ORAI3: variants seen among roughly 807,000 people sequenced by gnomAD.
The protein encoded by ORAI3 is ORAI calcium release-activated calcium modulator 3, also known as protein orai-3.
Under a neutral mutation model 17.2 loss-of-function variants are expected in ORAI3, and 15 were observed. That is an observed-to-expected ratio of 0.87 (90% CI 0.58 to 1.34). The LOEUF is 1.34. ORAI3 is among the 40% of genes most tolerant of loss of function. ORAI3 has a pLI of 0.00. For synonymous variants in ORAI3, 178 were observed against 172.4 expected (o/e 1.03, Z -0.25); for missense variants, 405 against 396.7 (o/e 1.02, Z -0.18).
chr16:30,951,483 A>C (rs1298929364), intron 1 of ORAI3, among the ~76,000 whole-genome samples: 5 of 152,200 alleles, frequency 3.3e-5, no homozygotes, highest in Non-Finnish European at 7.3e-5. Context: ...AAATTCCTAG[A>C]ATAGGGTCAT....
chr16:30,952,386 C>T (rs535382725), intron 1 of ORAI3, among the ~76,000 whole-genome samples: 42 of 152,118 alleles, frequency 2.8e-4, no homozygotes, highest in African/African-American at 9.9e-4. Context: ...CCGCCCAACT[C>T]GGCCTCCCAA....
chr16:30,949,735 TC>T (rs1490946680), intron 1 of ORAI3: 1 of 542,676 alleles, frequency 1.8e-6, no homozygotes, highest in African/African-American at 2.0e-5. Context: ...GACACGAAAG[TC>T]CTAAAGGTGT....
Position 30,949,175 on chromosome 16 carries a change from CAT to C in ORAI3, c.-114_-113del. ...CCTCTTCCTGGGCGCCCGCCGCCTG[CAT>C]CCTGCTCGTCCTGTCTGGGAATGGG... is the stretch of plus-strand genomic sequence containing the variant. On this transcript the variant is annotated 5_prime_UTR_variant, in exon 1 of 2. Coordinates refer to ENST00000318663, the MANE Select transcript of ORAI3 (RefSeq NM_152288.3). 1.5e-6 allele frequency: 1 copy of C among 672,468 alleles called. No homozygotes were observed. The highest frequency in any genetic ancestry group is 2.9e-5 in the South Asian group (1 of 35,080). 41.7% of individuals were successfully genotyped at this position (672,468 alleles called of 1,614,324 possible).
At position 30,949,134 on chromosome 16, in the gene ORAI3, T is replaced by C; in HGVS notation, c.-156T>C. ...GGCTCCCCGCAGACGCTGCTTTTCT[T>C]GCTCCACTGGGGGTGCCTCTTCCTG... On this transcript the variant is annotated 5_prime_UTR_variant, in exon 1 of 2. Transcript: ENST00000318663. The C allele has an allele frequency of 2.0e-6, 1 of 500,478 alleles. No individual in the cohort carries two copies. The highest frequency in any genetic ancestry group is 3.4e-6 in the Non-Finnish European group (1 of 294,198). The allele number at this position is 500,478 out of a possible 1,614,324, so 31.0% of individuals were successfully genotyped here.
chr16:30,950,420 GC>G (rs2055919114), intron 1 of ORAI3, among the ~76,000 whole-genome samples: 1 of 152,222 alleles, frequency 6.6e-6, no homozygotes, highest in African/African-American at 2.4e-5. Context: ...TAAAAGCCTT[GC>G]CTCTGGGCAG....
rs1596663119 is a variant in ORAI3, at chr16:30,953,781, A to G, written c.825A>G (p.Thr275=). ...ACCGCTCCTTGGTGGCACACAAGAC[A>G]GACCGCTACAAGCAGGAACTAGAGG... ...HFYRSLVAHK[T]DRYKQELEEL... Residue 275 remains threonine (T), a synonymous_variant, in exon 2 of 2, where the codon ACA becomes ACG. Transcript: ENST00000318663. 6.2e-7 allele frequency: 1 copy of G among 1,613,900 alleles called. No individual in the cohort carries two copies.
intron 1 of ORAI3, among the ~76,000 whole-genome samples, chr16:30,952,412 G>A (rs1011096386): frequency 7.2e-5 from 11 of 152,116 alleles, no homozygotes; most frequent in African/African-American, 2.2e-4. Context: ...TGGGATGAAA[G>A]GCGTGAGCCA....
chr16:30,949,112 T>G lies in ORAI3; in HGVS notation c.-178T>G. Reference sequence around the variant, plus strand: ...GCTGTCCCGCTCCGGCTCCTGGGGCTCCCCGCAGACGCTGCTTTTCTTGCT... The same window carrying G: ...GCTGTCCCGCTCCGGCTCCTGGGGCGCCCCGCAGACGCTGCTTTTCTTGCT... On this transcript the variant is annotated 5_prime_UTR_variant, in exon 1 of 2. Transcript: ENST00000318663. 1 of 481,504 alleles carries G rather than the reference T, an allele frequency of 2.1e-6. No homozygotes were observed. The highest frequency in any genetic ancestry group is 3.6e-6 in the Non-Finnish European group (1 of 279,202). 29.8% of individuals were successfully genotyped at this position (481,504 alleles called of 1,614,324 possible).
At chr16:30,949,597 G>A in intron 1 of ORAI3, 80 bp downstream of exon 1, 1 of 913,532 alleles carries the variant, frequency 1.1e-6, no homozygotes, top group East Asian at 4.2e-5. Context: ...AAGTAAACAG[G>A]TCCCAAGGGA....
chr16:30,949,479 T>C lies in ORAI3; in HGVS notation c.190T>C (p.Ser64Pro). The C allele has an allele frequency of 6.4e-7, 1 of 1,574,424 alleles. No individual in the cohort carries two copies. Among genetic ancestry groups the C allele is most frequent in the Non-Finnish European group, 8.6e-7 (1 of 1,160,092 alleles). ...LYLSRAKLKA[S>P]SRTSALLSGF... ...CCTCAGCCGGGCCAAGCTCAAAGCT[T>C]CCAGCCGCACGTCTGCCTTGCTCTC... Residue 64 changes from serine to proline, a missense_variant, in exon 1 of 2, where the codon TCC becomes CCC. By Grantham distance (74) the Ser-to-Pro change is moderately conservative (BLOSUM62 -1). Transcript: ENST00000318663.
At position 30,953,564 on chromosome 16, in the gene ORAI3, CCCTT is replaced by C. The variant is rs2055935627; in HGVS notation, c.609_612del (p.Leu204ValfsTer78). 8 of 1,614,236 alleles carry C rather than the reference CCCTT, an allele frequency of 5.0e-6. No homozygotes were observed. The highest frequency in any genetic ancestry group is 6.8e-6 in the Non-Finnish European group (8 of 1,180,026). ...GGGACTCTGGCACCAGTGGCTACCT[CCCTT>C]AGTCCAGCTTCCAATCTCCCACGGT... On this transcript the variant is annotated frameshift_variant, in exon 2 of 2. Coordinates refer to ENST00000318663, the MANE Select transcript of ORAI3 (RefSeq NM_152288.3). LOFTEE classifies it high-confidence loss of function.
rs1196528528 is a variant in ORAI3 at position 30,952,854 on chromosome 16, C to T, written c.229-331C>T. On this transcript the variant is annotated intron_variant, in intron 1 of 1. Coordinates refer to ENST00000318663, the MANE Select transcript of ORAI3 (RefSeq NM_152288.3). ...CTAATTTTTGTACTTTTAGTAGAGA[C>T]GGGGTTTCGCCATGTTGGCCAGGTT... Among the ~76,000 whole-genome samples the T allele has an allele frequency of 9.2e-5, 14 of 152,100 alleles. 1 individual carries two copies. The South Asian group carries it at 1.9e-3, about 20-fold the overall frequency.
intron 1 of ORAI3, among the ~76,000 whole-genome samples, chr16:30,950,376 C>A (rs188090929): frequency 6.6e-6 from 1 of 152,330 alleles, no homozygotes; most frequent in African/African-American, 2.4e-5. Flanking sequence ...AAGGATGGCT[C>A]AGACTAGCCT....
intron 1 of ORAI3, among the ~76,000 whole-genome samples, chr16:30,951,100 A>G (rs1410833868): frequency 6.6e-6 from 1 of 151,998 alleles, no homozygotes; most frequent in Non-Finnish European, 1.5e-5. Flanking sequence ...CAATTTCCCA[A>G]AATACTCAGC....
Position 30,949,326 on chromosome 16 carries a change from C to T in ORAI3, c.37C>T (p.Pro13Ser), listed in dbSNP as rs1236657737. ...GGEGDAGEQA[P>S]LNPEGESPAG... ...CGAGGGGGACGCGGGCGAGCAGGCCCCGCTGAACCCTGAGGGCGAGAGCCC... is the reference window on the plus strand; with the variant it reads ...CGAGGGGGACGCGGGCGAGCAGGCCTCGCTGAACCCTGAGGGCGAGAGCCC... Residue 13 changes from proline to serine, a missense_variant, in exon 1 of 2, where the codon CCG becomes TCG. Pro to Ser is a moderately conservative substitution (Grantham distance 74). Coordinates refer to ENST00000318663, the MANE Select transcript of ORAI3 (RefSeq NM_152288.3). 2.7e-6 allele frequency: 4 copies of T among 1,474,344 alleles called. No homozygotes were observed. In the South Asian group the frequency reaches 5.2e-5, roughly 19 times the overall value. The allele number at this position is 1,474,344 out of a possible 1,614,324, so 91.3% of individuals were successfully genotyped here.
At position 30,953,346 on chromosome 16, in the gene ORAI3, C is replaced by G. The variant is rs769634900; in HGVS notation, c.390C>G (p.His130Gln). ...LPHIEAVSNI[H>Q]NLNSVHQSPH... ...ACATTGAAGCTGTGAGCAACATCCA[C>G]AACCTCAACTCTGTCCACCAGTCGC... The change falls in exon 2 of 2, where the codon CAC becomes CAG. Residue 130 changes from histidine (H) to glutamine (Q), a missense_variant. Transcript: ENST00000318663. 1 of 1,614,204 alleles carries G rather than the reference C, an allele frequency of 6.2e-7. No individual in the cohort carries two copies. The highest frequency in any genetic ancestry group is 8.5e-7 in the Non-Finnish European group (1 of 1,180,014).
chr16:30,953,090 T>C lies in ORAI3; in HGVS notation c.229-95T>C, dbSNP rs1212198871. The C allele has an allele frequency of 5.0e-6, 6 of 1,191,268 alleles. No individual in the cohort carries two copies. The East Asian group carries it at 1.4e-4, about 28-fold the overall frequency. 73.8% of individuals were successfully genotyped at this position (1,191,268 alleles called of 1,614,324 possible). A position where few individuals can be genotyped will look rare whatever the true frequency, so the allele number is the denominator to read the frequency against. ...TTCTGCCAGGCACAGTTCTAGGTCC[T>C]AGGGATATGTATCAGTGATGTATCC... On this transcript the variant is annotated intron_variant, in intron 1 of 1. Coordinates refer to ENST00000318663, the MANE Select transcript of ORAI3 (RefSeq NM_152288.3).
chr16:30,949,262 G>T lies in ORAI3; in HGVS notation c.-28G>T. 7.3e-7 allele frequency: 1 copy of T among 1,376,148 alleles called. No homozygotes were observed. The highest frequency in any genetic ancestry group is 1.6e-5 in the South Asian group (1 of 61,482). 85.2% of individuals were successfully genotyped at this position (1,376,148 alleles called of 1,614,324 possible). On this transcript the variant is annotated 5_prime_UTR_variant, in exon 1 of 2. Transcript: ENST00000318663. The stretch of plus-strand genomic sequence containing the variant: ...CCCCGAGGCGCTTCCGCCCCGTAGT[G>T]ACCGCCTGGTGCCGCCCCCCCCCCA...
At chr16:30,949,660 A>C (rs2143414406) in intron 1 of ORAI3, 143 bp downstream of exon 1, 2 of 696,660 alleles carry the variant, frequency 2.9e-6, no homozygotes, top group South Asian at 3.6e-5. Flanking sequence ...GTCCCGCGGG[A>C]CTGAGCAAGT....
Sources: gnomAD v4.1 joint callset for allele counts (sites outside exome capture counted in the v4.1 genomes callset) on GRCh38, gnomAD v4.1.1 for gene constraint, MANE v1.5 for transcripts, NCBI Gene and HGNC (gene_info 2026-07-23, HGNC 2026-07-21) for gene names.